Variants in UNC13C observed in about 807,000 individuals in gnomAD.
UNC13C encodes unc-13 homolog C, also known as protein unc-13 homolog C.
UNC13C carries 174 observed loss-of-function variants against 245.4 expected under a neutral mutation model. That is an observed-to-expected ratio of 0.71 (90% CI 0.63 to 0.80). UNC13C has a LOEUF of 0.80. UNC13C is among the 30% of genes least tolerant of loss of function. The pLI is 0.00. For synonymous variants in UNC13C, 992 were observed against 895.1 expected (o/e 1.11, Z -1.93); for missense variants, 2,829 against 2,602.9 (o/e 1.09, Z -1.89).
intron 19 of UNC13C, among the ~76,000 whole-genome samples, chr15:54,484,194 C>T (rs1196655789): frequency 6.6e-6 from 1 of 152,110 alleles, no homozygotes; most frequent in Non-Finnish European, 1.5e-5. Flanking sequence ...CAGCAAGAGT[C>T]AGGATTATAG....
chr15:54,227,058 C>T (rs1175081650), intron 4 of UNC13C, among the ~76,000 whole-genome samples: 1 of 152,092 alleles, frequency 6.6e-6, no homozygotes, highest in African/African-American at 2.4e-5. Context: ...TATACTTTGT[C>T]CAGGAAGAAT....
At chr15:53,936,069 G>C in the UNC13C span, among the ~76,000 whole-genome samples, 1 of 152,166 alleles carries the variant, frequency 6.6e-6, no homozygotes, top group South Asian at 2.1e-4. Context: ...CACAAGTTAA[G>C]ACTCATTTGC....
chr15:54,525,669 A>G, intron 25 of UNC13C, 32 bp downstream of exon 25: 1 of 1,550,546 alleles, frequency 6.4e-7, no homozygotes, highest in Non-Finnish European at 8.8e-7. Context: ...TATCTAAATT[A>G]GATAATTAGG....
At chr15:53,939,360 A>G in the UNC13C span, among the ~76,000 whole-genome samples, 1 of 152,144 alleles carries the variant, frequency 6.6e-6, no homozygotes, top group Non-Finnish European at 1.5e-5. Context: ...TCTACCAACC[A>G]AAAAACCCCG....
intron 2 of UNC13C, among the ~76,000 whole-genome samples, chr15:54,116,289 C>A (rs909096675): frequency 2.0e-5 from 3 of 151,954 alleles, no homozygotes; most frequent in African/African-American, 7.3e-5. Context: ...TTTGAAATAT[C>A]CCCTTCTAGC....
chr15:53,938,352 C>G, the UNC13C span, among the ~76,000 whole-genome samples: 1 of 152,326 alleles, frequency 6.6e-6, no homozygotes, highest in East Asian at 1.9e-4. Context: ...GCACCCAATA[C>G]TGGAGCACCC....
At chr15:54,486,289 A>ACACACAC (rs1567319118) in intron 19 of UNC13C, among the ~76,000 whole-genome samples, 10 of 149,572 alleles carry the variant, frequency 6.7e-5, no homozygotes, top group South Asian at 2.1e-4. Flanking sequence ...ACACACACAC[A>ACACACAC]ATATCAGTGT....
At chr15:54,073,719 T>C (rs1898447939) in intron 2 of UNC13C, among the ~76,000 whole-genome samples, 1 of 152,198 alleles carries the variant, frequency 6.6e-6, no homozygotes, top group Non-Finnish European at 1.5e-5. Context: ...GCCTACTTTT[T>C]GATGGGGTTG....
At chr15:54,166,365 C>G (rs1015495170) in intron 4 of UNC13C, among the ~76,000 whole-genome samples, 43 of 151,960 alleles carry the variant, frequency 2.8e-4, no homozygotes, top group African/African-American at 9.9e-4. Context: ...CCAATCATAT[C>G]TTAAAAATAT....
At chr15:54,157,269 G>A (rs977611540) in intron 4 of UNC13C, among the ~76,000 whole-genome samples, 3 of 152,168 alleles carry the variant, frequency 2.0e-5, no homozygotes, top group Admixed American at 2.0e-4. Context: ...CGAATTAGAA[G>A]GCCTAGTTTT....
chr15:54,548,266 G>C (rs1452494834), intron 27 of UNC13C, among the ~76,000 whole-genome samples: 12 of 121,844 alleles, frequency 9.8e-5, no homozygotes, highest in Non-Finnish European at 3.3e-5. Flanking sequence ...CTTTCGCCCA[G>C]GCTGGAGTGC....
At chr15:54,128,017 C>G (rs1253397764) in intron 2 of UNC13C, among the ~76,000 whole-genome samples, 1 of 151,784 alleles carries the variant, frequency 6.6e-6, no homozygotes, top group Non-Finnish European at 1.5e-5. Context: ...CCTAGGATAT[C>G]CTAAAGACTC....
At chr15:54,471,283 A>C (rs1161463645) in intron 19 of UNC13C, among the ~76,000 whole-genome samples, 2 of 151,566 alleles carry the variant, frequency 1.3e-5, no homozygotes, top group African/African-American at 4.8e-5. Context: ...TCTATTGTTG[A>C]AAGTAGGATA....
At chr15:53,870,979 T>G in the UNC13C span, among the ~76,000 whole-genome samples, 134,429 of 152,144 alleles carry the variant, frequency 0.88, 60,718 homozygotes, top group Non-Finnish European at 0.97. Flanking sequence ...ACTCCAACAC[T>G]ATTGTCATCC....
downstream of UNC13C, chr15:54,628,826 T>TCCCACCA (rs1901365547): frequency 6.6e-6 from 1 of 152,132 alleles, no homozygotes; most frequent in South Asian, 2.1e-4. Context: ...GTTTATACAC[T>TCCCACCA]GCTGGTGGGA....
chr15:54,407,578 C>G (rs2040322796), intron 18 of UNC13C, among the ~76,000 whole-genome samples: 1 of 152,078 alleles, frequency 6.6e-6, no homozygotes. Flanking sequence ...TTTTTATTTT[C>G]TATCATGGGA....
In UNC13C at chr15:54,505,930, C is replaced by G. The variant is rs901129513; in HGVS notation, c.5302-1187C>G. Among the ~76,000 whole-genome samples the G allele has an allele frequency of 1.2e-4, 18 of 151,930 alleles. 1 individual carries two copies. The highest frequency in any genetic ancestry group is 4.4e-4 in the African/African-American group (18 of 41,362). On this transcript the variant is annotated intron_variant, in intron 22 of 32. Coordinates refer to ENST00000260323, the MANE Select transcript of UNC13C (RefSeq NM_001080534.3). ...CATAAATTCAAGGGACTAAGGTTTT[C>G]CTATGAAGTAGACTCAAGCTGTAGG...
chr15:53,921,931 T>A, the UNC13C span, among the ~76,000 whole-genome samples: 1 of 152,208 alleles, frequency 6.6e-6, no homozygotes, highest in Non-Finnish European at 1.5e-5. Context: ...ATTTTCTAAC[T>A]GCGACTTGTG....
intron 17 of UNC13C, among the ~76,000 whole-genome samples, chr15:54,374,394 G>A (rs539713295): frequency 9.7e-4 from 147 of 152,082 alleles, no homozygotes; most frequent in African/African-American, 3.2e-3. Context: ...CCCCCACCCC[G>A]GCCTCCCTCT....
Sources: allele counts gnomAD v4.1 joint callset (sites outside exome capture counted in the v4.1 genomes callset), GRCh38; gene constraint gnomAD v4.1.1; transcripts MANE v1.5; gene names NCBI Gene and HGNC (gene_info 2026-07-23, HGNC 2026-07-21).